VPS8: variants seen among roughly 807,000 people sequenced by gnomAD.
VPS8 encodes the protein VPS8 subunit of CORVET complex.
A neutral mutation model predicts 216.4 loss-of-function variants in VPS8; 129 were observed. That is an observed-to-expected ratio of 0.60 (90% CI 0.52 to 0.69). The LOEUF is 0.69. Among genes scored for constraint, VPS8 ranks in the 30% least tolerant of loss-of-function variants. VPS8 has a pLI of 0.00. For synonymous variants in VPS8, 571 were observed against 565.4 expected (o/e 1.01, Z -0.14); for missense variants, 1,531 against 1,683.5 (o/e 0.91, Z 1.59).
intron 41 of VPS8, 102 bp downstream of exon 41, chr3:184,982,749 C>T: frequency 1.0e-6 from 1 of 1,003,792 alleles, no homozygotes; most frequent in Non-Finnish European, 1.5e-6. Flanking sequence ...ATAGCATATT[C>T]TTATGATTTT....
intron 46 of VPS8, among the ~76,000 whole-genome samples, chr3:185,047,923 G>T (rs1193500460): frequency 6.6e-6 from 1 of 152,132 alleles, no homozygotes; most frequent in African/African-American, 2.4e-5. Flanking sequence ...CCGCAGTTTG[G>T]CAGGTCCCAC....
rs958201052 is a variant in VPS8 at position 185,042,546 on chromosome 3, C to T, written c.4057-5933C>T. Among the ~76,000 whole-genome samples, 3 of 152,196 alleles carry T rather than the reference C, an allele frequency of 2.0e-5. No individual in the cohort carries two copies. The South Asian group carries it at 6.2e-4, about 32-fold the overall frequency. On this transcript the variant is annotated intron_variant, in intron 46 of 47. Transcript: ENST00000625842. The stretch of plus-strand genomic sequence containing the variant: ...CGTTTGTAATGGTCCTGCTCTCTGT[C>T]CTGGCATCTCAGGATAATGATGACT...
At chr3:184,967,326 G>T (rs1747582596) in intron 39 of VPS8, among the ~76,000 whole-genome samples, 1 of 152,024 alleles carries the variant, frequency 6.6e-6, no homozygotes. Flanking sequence ...TTTAAATGAG[G>T]TATATAACTA....
chr3:185,031,062 C>CTTTTTTTTTTTTTTTTTTTTTT (rs1561198896), intron 46 of VPS8, among the ~76,000 whole-genome samples: 1 of 75,238 alleles, frequency 1.3e-5, no homozygotes, highest in African/African-American at 7.4e-5. Flanking sequence ...TACAGGTTGG[C>CTTTTTTTTTTTTTTTTTTTTTT]GTTTTTTTTT....
chr3:185,024,417 A>G, intron 46 of VPS8, 28 bp downstream of exon 46: 1 of 1,573,104 alleles, frequency 6.4e-7, no homozygotes, highest in East Asian at 2.3e-5. Flanking sequence ...GCAAAAAACC[A>G]GTTCTTCCTT....
At chr3:184,995,319 G>A (rs75139932) in intron 43 of VPS8, among the ~76,000 whole-genome samples, 1,730 of 152,226 alleles carry the variant, frequency 0.011, 42 homozygotes, top group African/African-American at 0.04. Flanking sequence ...GAAAATCTGG[G>A]TGACAGCTTT....
At chr3:185,051,127 T>C (rs1016198491) in intron 47 of VPS8, among the ~76,000 whole-genome samples, 2 of 152,124 alleles carry the variant, frequency 1.3e-5, no homozygotes, top group African/African-American at 4.8e-5. Flanking sequence ...AAAGCCTCTT[T>C]AGGTGAAAGG....
intron 23 of VPS8, 111 bp from the exon 24 acceptor site, chr3:184,898,454 G>T: frequency 2.3e-6 from 2 of 852,974 alleles, no homozygotes; most frequent in Non-Finnish European, 3.7e-6. Context: ...TATCAGAGAA[G>T]AAACAAGAAA....
At chr3:185,024,124 A>T (rs1333789706) in intron 45 of VPS8, among the ~76,000 whole-genome samples, 5 of 152,160 alleles carry the variant, frequency 3.3e-5, no homozygotes, top group African/African-American at 1.2e-4. Flanking sequence ...TCTTACCCAA[A>T]TCATATTTTT....
intron 25 of VPS8, among the ~76,000 whole-genome samples, chr3:184,904,189 A>AT (rs1449230924): frequency 6.6e-6 from 1 of 152,046 alleles, no homozygotes; most frequent in Admixed American, 6.6e-5. Context: ...AATAATTATA[A>AT]TTTTTTCTTT....
chr3:184,839,296 T>TA (rs1349264819), intron 6 of VPS8: 1 of 195,758 alleles, frequency 5.1e-6, no homozygotes, highest in African/African-American at 2.4e-5. Context: ...TGGATGGCTT[T>TA]AGGCCCCTGC....
At chr3:184,912,918 C>G (rs551314167) in intron 25 of VPS8, among the ~76,000 whole-genome samples, 57 of 152,314 alleles carry the variant, frequency 3.7e-4, no homozygotes, top group Middle Eastern at 6.8e-3. Flanking sequence ...TGCTCCTGCT[C>G]CATTCTGTAT....
intron 8 of VPS8, among the ~76,000 whole-genome samples, chr3:184,844,431 TAAATA>T (rs1370949662): frequency 6.6e-6 from 1 of 151,238 alleles, no homozygotes; most frequent in African/African-American, 2.4e-5. Flanking sequence ...AAAAAATAAA[TAAATA>T]AAAAATAAAA....
In VPS8 at chr3:184,971,742, A is replaced by G. The variant is rs1224619924; in HGVS notation, c.3410A>G (p.Gln1137Arg). Reference protein sequence around the residue: ...CQRNSHNLNQQQREALWFPLL... With the variant: ...CQRNSHNLNQRQREALWFPLL... ...AGAAATTCACATAATTTGAACCAGC[A>G]GCAACGTGAGGTAGGAGAATGACTG... The change falls in exon 40 of 48, where the codon CAG becomes CGG. Residue 1137 changes from glutamine to arginine, a missense_variant. Gln to Arg is a conservative substitution (Grantham distance 43). Coordinates refer to ENST00000625842, the MANE Select transcript of VPS8 (RefSeq NM_001009921.3). 1.9e-6 allele frequency: 3 copies of G among 1,612,584 alleles called. No homozygotes were observed. Among genetic ancestry groups the G allele is most frequent in the Non-Finnish European group, 2.5e-6 (3 of 1,179,148 alleles).
Position 184,820,354 on chromosome 3 carries a change from A to G in VPS8, c.-88-4191A>G, listed in dbSNP as rs988014658. Among the ~76,000 whole-genome samples the G allele has an allele frequency of 1.6e-4, 24 of 152,228 alleles. 1 individual carries two copies. In the South Asian group the frequency reaches 4.8e-3, roughly 30 times the overall value. On this transcript the variant is annotated intron_variant, in intron 1 of 47. Coordinates refer to ENST00000625842, the MANE Select transcript of VPS8 (RefSeq NM_001009921.3). ...GTTCTCCGTGTTCAACGCCTGTGACATGGTGTCACATCTCTTTCTCTGGCG... is the reference window on the plus strand; with the variant it reads ...GTTCTCCGTGTTCAACGCCTGTGACGTGGTGTCACATCTCTTTCTCTGGCG...
intron 45 of VPS8, among the ~76,000 whole-genome samples, chr3:185,020,047 G>T (rs1756423630): frequency 6.6e-6 from 1 of 152,194 alleles, no homozygotes. Context: ...ATTTTTAAAT[G>T]GTTACACGCT....
intron 15 of VPS8, among the ~76,000 whole-genome samples, chr3:184,861,973 A>T (rs1256887880): frequency 2.6e-5 from 4 of 152,180 alleles, no homozygotes; most frequent in Non-Finnish European, 5.9e-5. Flanking sequence ...TCTGAAAGAT[A>T]TTTTTTAGAG....
Position 184,854,186 on chromosome 3 carries a change from C to CT in VPS8, c.1035+14dup. On this transcript the variant is annotated intron_variant, in intron 13 of 47. Transcript: ENST00000625842. ...TCCCTATGGCCGGGTGAGTACGTCC[C>CT]TCCATCTTATTTGCCAAAGGAAGGA... The CT allele has an allele frequency of 6.2e-7, 1 of 1,613,394 alleles. No individual in the cohort carries two copies. The highest frequency in any genetic ancestry group is 1.3e-5 in the African/African-American group (1 of 74,992).
intron 45 of VPS8, among the ~76,000 whole-genome samples, chr3:185,013,169 C>T (rs1338387260): frequency 6.6e-6 from 1 of 152,192 alleles, no homozygotes; most frequent in South Asian, 2.1e-4. Flanking sequence ...CTGGTAAATC[C>T]ACAACCTTCC....
Sources: gnomAD v4.1 joint callset for allele counts (sites outside exome capture counted in the v4.1 genomes callset) on GRCh38, gnomAD v4.1.1 for gene constraint, MANE v1.5 for transcripts, NCBI Gene and HGNC (gene_info 2026-07-23, HGNC 2026-07-21) for gene names.